Variants in CORO2B observed in about 807,000 individuals in gnomAD.
CORO2B encodes coronin 2B, also known as coronin-2B.
CORO2B carries 26 observed loss-of-function variants against 58.8 expected under a neutral mutation model. That is an observed-to-expected ratio of 0.44 (90% CI 0.32 to 0.61). The LOEUF is 0.61. Ranked by LOEUF, CORO2B falls within the 20% of genes least tolerant of loss-of-function variation. The pLI, the probability that CORO2B is intolerant of heterozygous loss-of-function variation, is 0.04. For missense variants in CORO2B, 460 were observed against 645.1 expected, an observed-to-expected ratio of 0.71 and a Z score of 3.11; for synonymous variants, 242 against 253.8, an observed-to-expected ratio of 0.95 and a Z score of 0.44.
chr15:68,695,450 T>C (rs1459335952), intron 3 of CORO2B, among the ~76,000 whole-genome samples, 194 bp downstream of exon 3: 1 of 152,214 alleles, frequency 6.6e-6, no homozygotes, highest in Non-Finnish European at 1.5e-5. Flanking sequence ...CCTGCTGGAT[T>C]CCAGAGATCT....
chr15:68,725,826 C>G lies in CORO2B; in HGVS notation c.1312-17C>G, dbSNP rs752465632. 1 of 1,613,090 alleles carries G rather than the reference C, an allele frequency of 6.2e-7. No individual in the cohort carries two copies. The highest frequency in any genetic ancestry group is 8.5e-7 in the Non-Finnish European group (1 of 1,179,978). On this transcript the variant is annotated splice_polypyrimidine_tract_variant and intron_variant, in intron 11 of 11. Transcript: ENST00000261861. The stretch of plus-strand genomic sequence containing the variant: ...TCTCCTGGGCCCTCCTTGGCCCCCT[C>G]TCTTCCTCCACCCCAGCTCCTTCGA...
At chr15:68,535,075 G>A in the CORO2B span, among the ~76,000 whole-genome samples, 2 of 152,152 alleles carry the variant, frequency 1.3e-5, no homozygotes, top group African/African-American at 4.8e-5. Context: ...TGGGGACACA[G>A]CCACACCATA....
chr15:68,605,296 A>C (rs930581384), intron 1 of CORO2B, among the ~76,000 whole-genome samples: 1 of 152,230 alleles, frequency 6.6e-6, no homozygotes, highest in South Asian at 2.1e-4. Context: ...CAAGCCATAA[A>C]AATGTCCATA....
intron 8 of CORO2B, among the ~76,000 whole-genome samples, chr15:68,716,819 A>T (rs1359302706): frequency 6.6e-6 from 1 of 150,904 alleles, no homozygotes; most frequent in African/African-American, 2.4e-5. Flanking sequence ...AGCGTGGTGT[A>T]GACTCTGTGA....
At chr15:68,560,458 C>G in the CORO2B span, among the ~76,000 whole-genome samples, 1 of 151,990 alleles carries the variant, frequency 6.6e-6, no homozygotes, top group Non-Finnish European at 1.5e-5. Context: ...CCATGCCCAG[C>G]TAATTAAAGA....
chr15:68,519,381 G>T, the CORO2B span, among the ~76,000 whole-genome samples: 2 of 152,200 alleles, frequency 1.3e-5, no homozygotes, highest in South Asian at 4.2e-4. Context: ...CTGTCAGATA[G>T]GTTAATTCTA....
At chr15:68,672,883 G>GCT (rs1369615578) in intron 2 of CORO2B, among the ~76,000 whole-genome samples, 20 of 152,330 alleles carry the variant, frequency 1.3e-4, no homozygotes, top group South Asian at 6.2e-4. Context: ...CATAATGTGA[G>GCT]CTCGGCGACC....
chr15:68,673,662 C>G (rs1446056857), intron 2 of CORO2B, among the ~76,000 whole-genome samples: 1 of 152,046 alleles, frequency 6.6e-6, no homozygotes, highest in Non-Finnish European at 1.5e-5. Flanking sequence ...CATAGTGAAA[C>G]CCCGTTTCTA....
intron 2 of CORO2B, among the ~76,000 whole-genome samples, chr15:68,694,075 A>G (rs987959565): frequency 2.0e-5 from 3 of 152,058 alleles, no homozygotes; most frequent in Non-Finnish European, 4.4e-5. Flanking sequence ...ACGTCAGGTG[A>G]TCTGCCCGCC....
the CORO2B span, among the ~76,000 whole-genome samples, chr15:68,551,697 G>A: frequency 0.013 from 2,034 of 152,296 alleles, 21 homozygotes; most frequent in South Asian, 0.04. Flanking sequence ...AAGGCCTGGC[G>A]CCTTCTATCC....
the CORO2B span, among the ~76,000 whole-genome samples, chr15:68,558,721 G>C: frequency 6.8e-3 from 1,033 of 152,212 alleles, 10 homozygotes; most frequent in African/African-American, 0.023. Flanking sequence ...ATATAATAGG[G>C]GAGTGTGGAC....
the CORO2B span, among the ~76,000 whole-genome samples, chr15:68,520,107 G>C: frequency 6.6e-6 from 1 of 152,036 alleles, no homozygotes; most frequent in African/African-American, 2.4e-5. Context: ...TCGATTCCTA[G>C]ATTTAGTCCA....
At chr15:68,632,297 T>G (rs1900861332) in intron 1 of CORO2B, 1 of 985,402 alleles carries the variant, frequency 1.0e-6, no homozygotes, top group Non-Finnish European at 1.2e-6. Flanking sequence ...GATACAAGTT[T>G]GTTTCCTCTG....
At chr15:68,590,858 C>T (rs769930225) in intron 1 of CORO2B, among the ~76,000 whole-genome samples, 1 of 152,008 alleles carries the variant, frequency 6.6e-6, no homozygotes, top group Non-Finnish European at 1.5e-5. Flanking sequence ...GAGGAGAGGA[C>T]AGCCAAGCTT....
intron 1 of CORO2B, among the ~76,000 whole-genome samples, chr15:68,629,172 A>G (rs181594225): frequency 2.7e-3 from 418 of 152,338 alleles, no homozygotes; most frequent in Non-Finnish European, 4.7e-3. Context: ...GCTGCTCCAC[A>G]TTGGAAATTC....
intron 1 of CORO2B, chr15:68,641,445 G>C (rs1031334837): frequency 1.2e-6 from 1 of 819,276 alleles, no homozygotes; most frequent in African/African-American, 1.9e-5. Flanking sequence ...TTGGGGGAGA[G>C]AGGAAAGAAG....
chr15:68,664,324 AGT>A (rs1311689988), intron 2 of CORO2B, among the ~76,000 whole-genome samples: 7 of 152,202 alleles, frequency 4.6e-5, no homozygotes, highest in African/African-American at 1.7e-4. Context: ...GCAAAGTGTA[AGT>A]GTGCCTGTTC....
At position 68,710,557 on chromosome 15, in the gene CORO2B, G is replaced by T. The variant is rs956146463; in HGVS notation, c.334-175G>T. ...AGAGAGATGGTCTCCTTCCTCTCCA[G>T]CCACACCCTGAGACCTCCCAGCAGG... On this transcript the variant is annotated intron_variant, in intron 3 of 11. Transcript: ENST00000261861. This position sits in a 1 kb window ranked among gnomAD's most constrained non-coding sequence, Gnocchi z 4.1. Among the ~76,000 whole-genome samples the T allele has an allele frequency of 3.9e-5, 6 of 152,190 alleles. No homozygotes were observed. The highest frequency in any genetic ancestry group is 1.4e-4 in the African/African-American group (6 of 41,442).
At chr15:68,575,583 G>GCC (rs1423253475), upstream of CORO2B, among the ~76,000 whole-genome samples, 13 of 55,984 alleles carry the variant, frequency 2.3e-4, 4 homozygotes, top group East Asian at 4.4e-3. Context: ...ATCTGCCCCC[G>GCC]CCTCGGCCTC....
Sources: gnomAD v4.1 joint callset for allele counts (sites outside exome capture counted in the v4.1 genomes callset) on GRCh38, gnomAD v4.1.1 for gene constraint, Gnocchi (gnomAD v3.1) non-coding constraint, MANE v1.5 for transcripts, NCBI Gene and HGNC (gene_info 2026-07-23, HGNC 2026-07-21) for gene names.